Variants in SOS1 observed in about 807,000 individuals in gnomAD.
The protein encoded by SOS1 is son of sevenless homolog 1.
Under a neutral mutation model 157.6 loss-of-function variants are expected in SOS1, and 25 were observed. The ratio of observed to expected loss-of-function variants is 0.16; its 90% CI spans 0.12 to 0.22. The LOEUF is 0.22. Among genes scored for constraint, SOS1 ranks in the 10% least tolerant of loss-of-function variants. The pLI, the probability that SOS1 is intolerant of heterozygous loss-of-function variation, is 1.00. For missense variants in SOS1, 1,237 were observed against 1,599.1 expected, an observed-to-expected ratio of 0.77 and a Z score of 3.86; for synonymous variants, 528 against 534.0, an observed-to-expected ratio of 0.99 and a Z score of 0.16.
intron 10 of SOS1, among the ~76,000 whole-genome samples, chr2:39,016,526 A>T (rs1186158174): frequency 2.0e-5 from 3 of 152,068 alleles, no homozygotes; most frequent in Non-Finnish European, 4.4e-5. Context: ...CTTCCCTTTC[A>T]AGAATCTTCT....
At chr2:39,070,612 G>A (rs746844698) in intron 1 of SOS1, among the ~76,000 whole-genome samples, 5 of 151,996 alleles carry the variant, frequency 3.3e-5, no homozygotes, top group Non-Finnish European at 7.4e-5. Flanking sequence ...TTACCTGTAG[G>A]ATAGTTCCAC....
chr2:39,107,081 C>T (rs971962983), intron 1 of SOS1, among the ~76,000 whole-genome samples: 62 of 148,664 alleles, frequency 4.2e-4, no homozygotes, highest in Admixed American at 1.3e-4. Flanking sequence ...TTAAGGCATC[C>T]TTTTTTTTTT....
intron 1 of SOS1, among the ~76,000 whole-genome samples, chr2:39,112,781 G>A (rs576516448): frequency 1.3e-5 from 2 of 152,278 alleles, no homozygotes; most frequent in South Asian, 2.1e-4. Context: ...ACTCATGCCT[G>A]TAATCTCAGC....
chr2:39,110,287 T>C (rs34238878), intron 1 of SOS1, among the ~76,000 whole-genome samples: 208 of 152,242 alleles, frequency 1.4e-3, no homozygotes, highest in Non-Finnish European at 2.7e-3. Flanking sequence ...TTGTACTGTA[T>C]TGTTTAAGGA....
At chr2:39,000,596 C>T (rs964550374) in intron 17 of SOS1, among the ~76,000 whole-genome samples, 1 of 152,200 alleles carries the variant, frequency 6.6e-6, no homozygotes, top group African/African-American at 2.4e-5. Context: ...ATGTCTTTCC[C>T]ATCCTTCCCA....
At chr2:39,026,722 G>A (rs976022416) in intron 8 of SOS1, among the ~76,000 whole-genome samples, 5 of 152,198 alleles carry the variant, frequency 3.3e-5, no homozygotes, top group Admixed American at 6.5e-5. Flanking sequence ...ATCAAGTTTA[G>A]TCTTTAAAGC....
At chr2:39,110,901 GACC>G in intron 1 of SOS1, among the ~76,000 whole-genome samples, 1 of 152,310 alleles carries the variant, frequency 6.6e-6, no homozygotes, top group Admixed American at 6.5e-5. Context: ...AGGAATTCAA[GACC>G]AGCCTGGCCA....
intron 17 of SOS1, among the ~76,000 whole-genome samples, chr2:39,005,009 C>A (rs963523281): frequency 6.6e-6 from 1 of 152,150 alleles, no homozygotes. Flanking sequence ...AAAATGGACA[C>A]CTTTTAACCT....
chr2:39,006,385 A>AAT, intron 17 of SOS1, 27 bp downstream of exon 17: 1 of 1,034,232 alleles, frequency 9.7e-7, no homozygotes, highest in Non-Finnish European at 1.5e-6. Context: ...CCAGAAATGC[A>AAT]ATAAAAATTC....
At chr2:39,102,368 A>G (rs1309822378) in intron 1 of SOS1, among the ~76,000 whole-genome samples, 2 of 149,964 alleles carry the variant, frequency 1.3e-5, no homozygotes, top group Non-Finnish European at 3.0e-5. Context: ...ACCAAAGGGG[A>G]AAAAAAATTA....
At chr2:39,090,555 G>C (rs1453079572) in intron 1 of SOS1, among the ~76,000 whole-genome samples, 2 of 152,010 alleles carry the variant, frequency 1.3e-5, no homozygotes, top group East Asian at 3.9e-4. Context: ...AATTAGCCAG[G>C]CATGGTGGCA....
intron 8 of SOS1, among the ~76,000 whole-genome samples, chr2:39,024,845 G>T (rs546348103): frequency 6.6e-6 from 1 of 152,206 alleles, no homozygotes; most frequent in African/African-American, 2.4e-5. Flanking sequence ...GTATAATAAA[G>T]AACTTTGTCC....
intron 15 of SOS1, among the ~76,000 whole-genome samples, 153 bp downstream of exon 15, chr2:39,010,431 G>A (rs1669428618): frequency 6.6e-6 from 1 of 152,094 alleles, no homozygotes; most frequent in Admixed American, 6.6e-5. Context: ...CTTGAGCCTG[G>A]GAGGTGGAGG....
chr2:39,012,391 T>C, intron 13 of SOS1, 43 bp from the exon 14 acceptor site: 1 of 862,620 alleles, frequency 1.2e-6, no homozygotes, highest in Non-Finnish European at 1.6e-6. Flanking sequence ...ATATTCTTTA[T>C]TTAATATTTT....
chr2:39,001,136 A>T (rs983302853), intron 17 of SOS1, among the ~76,000 whole-genome samples: 1 of 152,166 alleles, frequency 6.6e-6, no homozygotes, highest in African/African-American at 2.4e-5. Flanking sequence ...TTGGCTTACT[A>T]CAACCTCTGC....
intron 15 of SOS1, chr2:39,007,411 A>G (rs1032490493): frequency 6.0e-5 from 32 of 537,096 alleles, no homozygotes; most frequent in Non-Finnish European, 8.6e-5. Context: ...CAGTCAAACA[A>G]TCATTTTCCT....
At chr2:39,102,071 T>G (rs1037470669) in intron 1 of SOS1, among the ~76,000 whole-genome samples, 2 of 151,002 alleles carry the variant, frequency 1.3e-5, no homozygotes, top group Non-Finnish European at 2.9e-5. Flanking sequence ...CCAGGCGTGG[T>G]GGCAGGCCCC....
intron 2 of SOS1, among the ~76,000 whole-genome samples, chr2:39,061,359 C>T (rs1018092760): frequency 6.7e-6 from 1 of 149,694 alleles, no homozygotes; most frequent in African/African-American, 2.5e-5. Context: ...AATAAAATTT[C>T]TTTCACAAAC....
chr2:39,085,000 G>C (rs1428328501), intron 1 of SOS1, among the ~76,000 whole-genome samples: 1 of 151,958 alleles, frequency 6.6e-6, no homozygotes, highest in Admixed American at 6.6e-5. Context: ...CAAATTCCCA[G>C]TGTTTTCTCT....
Sources: gnomAD v4.1 joint callset for allele counts (sites outside exome capture counted in the v4.1 genomes callset) on GRCh38, gnomAD v4.1.1 for gene constraint, MANE v1.5 for transcripts, NCBI Gene and HGNC (gene_info 2026-07-23, HGNC 2026-07-21) for gene names.